MAN2A1: variants seen among roughly 807,000 people sequenced by gnomAD.
MAN2A1 encodes the protein mannosidase alpha class 2A member 1.
A neutral mutation model predicts 142.6 loss-of-function variants in MAN2A1; 76 were observed. The observed-to-expected ratio is 0.53, with a 90% confidence interval of 0.44 to 0.65. MAN2A1 has a LOEUF of 0.65. Ranked by LOEUF, MAN2A1 falls within the 30% of genes least tolerant of loss-of-function variation. The probability of loss-of-function intolerance (pLI) is 0.00; values close to 1 mark genes in which losing one functional copy is unlikely to be tolerated. For missense variants in MAN2A1, 1,311 were observed against 1,365.1 expected, an observed-to-expected ratio of 0.96 and a Z score of 0.62; for synonymous variants, 559 against 473.2, an observed-to-expected ratio of 1.18 and a Z score of -2.35.
intron 20 of MAN2A1, among the ~76,000 whole-genome samples, chr5:109,855,838 A>G (rs1273149041): frequency 6.6e-6 from 1 of 152,240 alleles, no homozygotes; most frequent in African/African-American, 2.4e-5. Context: ...GACTGCAGTT[A>G]TATACATACC....
At chr5:109,788,092 T>C (rs953602075) in intron 10 of MAN2A1, among the ~76,000 whole-genome samples, 14 of 151,774 alleles carry the variant, frequency 9.2e-5, no homozygotes, top group African/African-American at 2.7e-4. Flanking sequence ...CCAAAGTTGC[T>C]TTCTGTATTG....
chr5:109,822,212 C>G (rs1392417216), intron 15 of MAN2A1, among the ~76,000 whole-genome samples: 1 of 143,948 alleles, frequency 6.9e-6, no homozygotes, highest in Non-Finnish European at 1.5e-5. Context: ...TAAAGACAAA[C>G]TACAACTCAT....
At chr5:109,691,369 G>A (rs1239308345) in intron 1 of MAN2A1, among the ~76,000 whole-genome samples, 2 of 152,186 alleles carry the variant, frequency 1.3e-5, no homozygotes, top group Non-Finnish European at 2.9e-5. Context: ...CAAGTTACTT[G>A]CCAATATAAC....
intron 5 of MAN2A1, among the ~76,000 whole-genome samples, chr5:109,764,734 A>G (rs1217763419): frequency 6.6e-6 from 1 of 152,216 alleles, no homozygotes; most frequent in East Asian, 1.9e-4. Context: ...TGTTAAATTG[A>G]ATGGACACTA....
Position 109,820,288 on chromosome 5 carries a change from A to G in MAN2A1, c.2397A>G (p.Thr799=). The G allele has an allele frequency of 1.2e-6, 2 of 1,612,704 alleles. No homozygotes were observed. Among genetic ancestry groups the G allele is most frequent in the Non-Finnish European group, 1.7e-6 (2 of 1,178,836 alleles). The part of the protein sequence containing the change: ...VNVQFSWYGT[T]IKRDKSGAYL... Reference sequence around the variant, plus strand: ...TGCAATTTTCATGGTATGGAACCACAATTAAAAGAGACAAAAGTGGTGCCT... The same window carrying G: ...TGCAATTTTCATGGTATGGAACCACGATTAAAAGAGACAAAAGTGGTGCCT... Residue 799 remains threonine, a synonymous_variant, in exon 15 of 22, where the codon ACA becomes ACG. Coordinates refer to ENST00000261483, the MANE Select transcript of MAN2A1 (RefSeq NM_002372.4).
intron 20 of MAN2A1, among the ~76,000 whole-genome samples, chr5:109,856,393 A>G (rs1227501678): frequency 6.6e-6 from 1 of 152,196 alleles, no homozygotes; most frequent in Non-Finnish European, 1.5e-5. Flanking sequence ...CAAGACAAAG[A>G]AGAAAGCACC....
At chr5:109,701,182 G>A (rs561902187) in intron 1 of MAN2A1, among the ~76,000 whole-genome samples, 14 of 152,230 alleles carry the variant, frequency 9.2e-5, no homozygotes, top group Non-Finnish European at 1.9e-4. Flanking sequence ...TAAAGACAAA[G>A]GCCTTAAAGA....
intron 12 of MAN2A1, among the ~76,000 whole-genome samples, chr5:109,790,381 T>C (rs1162250358): frequency 1.3e-5 from 2 of 151,930 alleles, no homozygotes; most frequent in Non-Finnish European, 2.9e-5. Context: ...AGACTTTTTG[T>C]TAAGCATAGA....
intron 1 of MAN2A1, among the ~76,000 whole-genome samples, chr5:109,704,319 A>G (rs1269787272): frequency 1.3e-5 from 2 of 152,240 alleles, no homozygotes; most frequent in African/African-American, 2.4e-5. Context: ...TGCTTCTGCA[A>G]TTTGGTAAGG....
intron 16 of MAN2A1, among the ~76,000 whole-genome samples, chr5:109,825,770 C>T (rs184592512): frequency 2.0e-5 from 3 of 152,178 alleles, no homozygotes; most frequent in Admixed American, 1.3e-4. Context: ...AGCAGGAGCC[C>T]GGGCCACTGA....
chr5:109,861,461 T>C (rs1312488106), intron 20 of MAN2A1, among the ~76,000 whole-genome samples: 1 of 152,172 alleles, frequency 6.6e-6, no homozygotes, highest in Non-Finnish European at 1.5e-5. Flanking sequence ...CTACAATTAC[T>C]TTTGCACCAA....
chr5:109,842,967 A>G (rs947365541), intron 17 of MAN2A1, among the ~76,000 whole-genome samples: 1 of 151,902 alleles, frequency 6.6e-6, no homozygotes, highest in African/African-American at 2.4e-5. Flanking sequence ...CACTACACCC[A>G]GCTAATTTTT....
At position 109,819,742 on chromosome 5, in the gene MAN2A1, C is replaced by T. The variant is rs749869628; in HGVS notation, c.2183C>T (p.Ser728Leu). 6.2e-6 allele frequency: 10 copies of T among 1,611,780 alleles called. No individual in the cohort carries two copies. Among genetic ancestry groups the T allele is most frequent in the Non-Finnish European group, 8.5e-6 (10 of 1,178,686 alleles). Residue 728 changes from serine (S) to leucine (L), a missense_variant, in exon 14 of 22, where the codon TCA becomes TTA. Around this residue, in one of 3 missense-constraint regions of MAN2A1, gnomAD observed 890 missense variants for 920.5 expected, o/e 0.97. Coordinates refer to ENST00000261483, the MANE Select transcript of MAN2A1 (RefSeq NM_002372.4). ...YKILESASSN[S>L]HLADYVLYKN... The stretch of plus-strand genomic sequence containing the variant: ...ATTTTGGAATCAGCAAGTTCAAATT[C>T]ACATTTAGCTGATTATGTCTTGTAT...
intron 3 of MAN2A1, among the ~76,000 whole-genome samples, chr5:109,725,035 G>C (rs1751704178): frequency 6.6e-6 from 1 of 151,920 alleles, no homozygotes; most frequent in African/African-American, 2.4e-5. Context: ...GCTCTTATAT[G>C]TTTGCAGTAG....
At chr5:109,849,257 C>T (rs1755418151) in intron 19 of MAN2A1, among the ~76,000 whole-genome samples, 2 of 152,184 alleles carry the variant, frequency 1.3e-5, no homozygotes, top group Admixed American at 1.3e-4. Flanking sequence ...TTGTTTGCAT[C>T]TTCCACACAG....
At chr5:109,708,263 A>G (rs147545844) in intron 1 of MAN2A1, among the ~76,000 whole-genome samples, 66 of 152,252 alleles carry the variant, frequency 4.3e-4, no homozygotes, top group African/African-American at 1.1e-3. Context: ...AGGTAAGGGC[A>G]GAGTGCTTTT....
intron 12 of MAN2A1, among the ~76,000 whole-genome samples, chr5:109,804,912 G>T (rs1356316880): frequency 6.6e-6 from 1 of 152,016 alleles, no homozygotes; most frequent in East Asian, 1.9e-4. Context: ...AAATTAGGTT[G>T]TTTATGTACT....
intron 12 of MAN2A1, among the ~76,000 whole-genome samples, chr5:109,801,361 T>G (rs558897586): frequency 3.3e-5 from 5 of 152,308 alleles, no homozygotes; most frequent in Non-Finnish European, 7.4e-5. Flanking sequence ...GGGGACTCAG[T>G]AACTTTGTCA....
rs141601291 is a variant in MAN2A1 at position 109,781,443 on chromosome 5, A to C, written c.1422A>C (p.Ala474=). The change falls in exon 9 of 22, where the codon GCA becomes GCC. Residue 474 remains alanine, a synonymous_variant. Coordinates refer to ENST00000261483, the MANE Select transcript of MAN2A1 (RefSeq NM_002372.4). Reference sequence around the variant, plus strand: ...ATTTTTTTGATGCGCTGGATAAAGCAGATGAAACTCAGAGAGACAAGGGCC... The same window carrying C: ...ATTTTTTTGATGCGCTGGATAAAGCCGATGAAACTCAGAGAGACAAGGGCC... ...LSDFFDALDK[A]DETQRDKGQS... 615 of 1,612,518 alleles carry C rather than the reference A, an allele frequency of 3.8e-4. 6 individuals carry two copies. The African/African-American group carries it at 7.2e-3, about 19-fold the overall frequency.
Sources: gnomAD v4.1 joint callset for allele counts (sites outside exome capture counted in the v4.1 genomes callset) on GRCh38, gnomAD v4.1.1 for gene constraint, gnomAD v4.1.1 regional missense constraint, MANE v1.5 for transcripts, NCBI Gene and HGNC (gene_info 2026-07-23, HGNC 2026-07-21) for gene names.